PCDH15: variants seen among roughly 807,000 people sequenced by gnomAD.
The protein encoded by PCDH15 is protocadherin-15.
A neutral mutation model predicts 178.5 loss-of-function variants in PCDH15; 129 were observed. That is an observed-to-expected ratio of 0.72 (90% CI 0.63 to 0.84). The LOEUF is 0.84. PCDH15 is among the 40% of genes least tolerant of loss of function. PCDH15 has a pLI of 0.00. For synonymous variants in PCDH15, 800 were observed against 732.0 expected (o/e 1.09, Z -1.50); for missense variants, 2,230 against 2,099.9 (o/e 1.06, Z -1.21).
At chr10:54,609,892 A>C (rs1050920669) in intron 2 of PCDH15, among the ~76,000 whole-genome samples, 2 of 152,040 alleles carry the variant, frequency 1.3e-5, no homozygotes, top group African/African-American at 2.4e-5. Flanking sequence ...ATATTGGTTT[A>C]ACACTTTATA....
chr10:54,329,460 T>C (rs1291811018), intron 7 of PCDH15, 136 bp downstream of exon 7: 3 of 661,576 alleles, frequency 4.5e-6, no homozygotes, highest in Non-Finnish European at 8.1e-6. Flanking sequence ...GAGTATTATA[T>C]ATAAACACCA....
intron 1 of PCDH15, among the ~76,000 whole-genome samples, chr10:54,781,180 T>C (rs1950323381): frequency 6.6e-6 from 1 of 152,072 alleles, no homozygotes; most frequent in African/African-American, 2.4e-5. Context: ...TTATTTTTTA[T>C]TATACTTTAA....
intron 3 of PCDH15, among the ~76,000 whole-genome samples, chr10:54,526,819 A>C (rs960139772): frequency 6.6e-6 from 1 of 152,202 alleles, no homozygotes; most frequent in Middle Eastern, 3.2e-3. Flanking sequence ...AATGAGTAAA[A>C]GGAGCATCTG....
intron 1 of PCDH15, among the ~76,000 whole-genome samples, chr10:55,224,843 C>A (rs557565272): frequency 5.9e-4 from 89 of 152,024 alleles, no homozygotes; most frequent in Non-Finnish European, 9.6e-4. Context: ...CCTTTCCATT[C>A]TCACTTCTGA....
At chr10:54,048,233 A>T (rs1234528426) in intron 18 of PCDH15, among the ~76,000 whole-genome samples, 1 of 152,014 alleles carries the variant, frequency 6.6e-6, no homozygotes, top group Non-Finnish European at 1.5e-5. Context: ...ATCTTTTGCC[A>T]AATTTTTAAT....
intron 2 of PCDH15, among the ~76,000 whole-genome samples, chr10:55,035,715 A>G (rs1314729458): frequency 2.0e-5 from 3 of 152,198 alleles, no homozygotes; most frequent in Non-Finnish European, 2.9e-5. Flanking sequence ...GCAAACAGCC[A>G]AAGACATTAC....
At chr10:55,490,858 G>T (rs1177824831) in intron 2 of PCDH15, among the ~76,000 whole-genome samples, 1 of 151,682 alleles carries the variant, frequency 6.6e-6, no homozygotes, top group Non-Finnish European at 1.5e-5. Flanking sequence ...TAATGAAGTT[G>T]TTATAAGCCA....
At chr10:53,887,137 C>T (rs147114602) in intron 26 of PCDH15, among the ~76,000 whole-genome samples, 165 of 152,248 alleles carry the variant, frequency 1.1e-3, no homozygotes, top group African/African-American at 3.5e-3. Context: ...TTCTCCCTAC[C>T]ACCCTGTCTT....
chr10:55,345,157 C>CTATA (rs61288405), intron 2 of PCDH15, among the ~76,000 whole-genome samples: 13 of 150,408 alleles, frequency 8.6e-5, no homozygotes, highest in African/African-American at 2.0e-4. Flanking sequence ...CTCTCTCTCT[C>CTATA]TATATATATA....
At chr10:54,138,505 T>C (rs946543928) in intron 14 of PCDH15, among the ~76,000 whole-genome samples, 2 of 152,176 alleles carry the variant, frequency 1.3e-5, no homozygotes, top group Non-Finnish European at 2.9e-5. Flanking sequence ...TAATATTTTC[T>C]GAAACACTGT....
At chr10:55,507,534 C>A (rs925631407) in intron 2 of PCDH15, among the ~76,000 whole-genome samples, 1 of 151,348 alleles carries the variant, frequency 6.6e-6, no homozygotes, top group Admixed American at 6.6e-5. Context: ...CTTGAGTTTT[C>A]TTTTCTTTTC....
At chr10:55,247,458 T>A (rs1318714793) in intron 1 of PCDH15, among the ~76,000 whole-genome samples, 1 of 152,180 alleles carries the variant, frequency 6.6e-6, no homozygotes, top group Non-Finnish European at 1.5e-5. Context: ...AAAGAACATT[T>A]AAGAGAGTTA....
At chr10:54,775,451 A>G (rs1949583566) in intron 1 of PCDH15, among the ~76,000 whole-genome samples, 1 of 152,226 alleles carries the variant, frequency 6.6e-6, no homozygotes, top group South Asian at 2.1e-4. Flanking sequence ...TAGCATATCC[A>G]TTATCTCCAA....
rs750214069 is a variant in PCDH15, at chr10:55,242,437, C to G, written c.-155-75786G>C. 9.8e-4 allele frequency among the ~76,000 whole-genome samples: 149 copies of G among 152,096 alleles called. 1 individual carries two copies. The highest frequency in any genetic ancestry group is 1.7e-3 in the Non-Finnish European group (118 of 68,004). ...TTACAGAACTTTGAATCTGTTAAATCAGAGTTTTGGTTTCTACATAAGAAA... is the reference window on the plus strand; with the variant it reads ...TTACAGAACTTTGAATCTGTTAAATGAGAGTTTTGGTTTCTACATAAGAAA... On this transcript the variant is annotated intron_variant, in intron 1 of 5. Transcript: ENST00000458638.
In PCDH15 at chr10:53,888,311, T is replaced by C. The variant is rs1191012735; in HGVS notation, c.3501+14932A>G. On this transcript the variant is annotated intron_variant, in intron 26 of 37. Transcript: ENST00000644397. ...ATATACATATATATATATATATATG[T>C]ATATATGTACGTATATATATGTACG... 4.3e-3 allele frequency among the ~76,000 whole-genome samples: 180 copies of C among 41,660 alleles called. 1 individual carries two copies. The highest frequency in any genetic ancestry group is 5.5e-3 in the Non-Finnish European group (126 of 22,946). 27.3% of individuals were successfully genotyped at this position (41,660 alleles called of 152,430 possible). A position where few individuals can be genotyped will look rare whatever the true frequency, so the allele number is the denominator to read the frequency against.
At chr10:55,036,059 T>C (rs1261131157) in intron 2 of PCDH15, among the ~76,000 whole-genome samples, 1 of 152,152 alleles carries the variant, frequency 6.6e-6, no homozygotes, top group Non-Finnish European at 1.5e-5. Context: ...TAGAGACTAA[T>C]GGGAGGTCTT....
Position 54,726,851 on chromosome 10 carries a change from G to GGA in PCDH15, c.-28-62562_-28-62561insTC, listed in dbSNP as rs1424943825. On this transcript the variant is annotated intron_variant, in intron 1 of 37. Coordinates refer to ENST00000644397, the MANE Select transcript of PCDH15 (RefSeq NM_001384140.1). ...CAGGTCAACTCATTCGGATTAAAAA[G>GGA]AAGAAAAAAAAAACAGAGTAAACAA... 2.6e-3 allele frequency among the ~76,000 whole-genome samples: 296 copies of GGA among 114,790 alleles called. 2 individuals carry two copies. The highest frequency in any genetic ancestry group is 6.6e-3 in the Admixed American group (75 of 11,324). 75.3% of individuals were successfully genotyped at this position (114,790 alleles called of 152,430 possible). A position where few individuals can be genotyped will look rare whatever the true frequency, so the allele number is the denominator to read the frequency against.
chr10:54,554,927 A>C (rs543960906), intron 2 of PCDH15, among the ~76,000 whole-genome samples: 28 of 152,350 alleles, frequency 1.8e-4, no homozygotes, highest in African/African-American at 6.7e-4. Flanking sequence ...CAATTTATCA[A>C]GTATCAGAGG....
chr10:54,366,706 A>G (rs150565950), intron 5 of PCDH15, among the ~76,000 whole-genome samples: 2,248 of 151,936 alleles, frequency 0.015, 27 homozygotes, highest in Non-Finnish European at 0.026. Context: ...TTCAAGCTTT[A>G]AATGCACTGT....
Sources: allele counts gnomAD v4.1 joint callset (sites outside exome capture counted in the v4.1 genomes callset), GRCh38; gene constraint gnomAD v4.1.1; transcripts MANE v1.5; gene names NCBI Gene and HGNC (gene_info 2026-07-23, HGNC 2026-07-21).